IRS2: variants seen among roughly 807,000 people sequenced by gnomAD.
The protein encoded by IRS2 is insulin receptor substrate 2.
IRS2 carries 28 observed loss-of-function variants against 70.9 expected under a neutral mutation model. The observed-to-expected ratio is 0.39, with a 90% CI of 0.29 to 0.54. The LOEUF is 0.54. IRS2 is among the 20% of genes least tolerant of loss of function. The pLI, the probability that IRS2 is intolerant of heterozygous loss-of-function variation, is 0.59. For missense variants in IRS2, 2,081 were observed against 2,024.1 expected, an observed-to-expected ratio of 1.03 and a Z score of -0.54; for synonymous variants, 1,217 against 981.9, an observed-to-expected ratio of 1.24 and a Z score of -4.48.
chr13:109,756,766 C>G (rs1287351630), intron 1 of IRS2, among the ~76,000 whole-genome samples: 2 of 152,150 alleles, frequency 1.3e-5, no homozygotes, highest in African/African-American at 4.8e-5. Context: ...AACTATGACA[C>G]ACATTACAAT....
At position 109,756,284 on chromosome 13, in the gene IRS2, T is replaced by C. The variant is rs761963543; in HGVS notation, c.*20A>G. On this transcript the variant is annotated 3_prime_UTR_variant, in exon 2 of 2. Coordinates refer to ENST00000375856, the MANE Select transcript of IRS2 (RefSeq NM_003749.3). Reference sequence around the variant, plus strand: ...TACTCTCTGACATGTGACATCCTGGTGATAAAGCCAGACAGATCTTCACTC... The same window carrying C: ...TACTCTCTGACATGTGACATCCTGGCGATAAAGCCAGACAGATCTTCACTC... The C allele has an allele frequency of 6.2e-7, 1 of 1,602,816 alleles. No individual in the cohort carries two copies. The highest frequency in any genetic ancestry group is 1.7e-5 in the Admixed American group (1 of 59,988).
At chr13:109,780,649 T>G (rs1404398402) in intron 1 of IRS2, among the ~76,000 whole-genome samples, 1 of 152,198 alleles carries the variant, frequency 6.6e-6, no homozygotes, top group East Asian at 1.9e-4. Context: ...ACTGGTCTAT[T>G]TAAGAACAAA....
intron 1 of IRS2, among the ~76,000 whole-genome samples, chr13:109,773,708 T>C (rs1455686630): frequency 6.6e-6 from 1 of 152,266 alleles, no homozygotes; most frequent in Admixed American, 6.5e-5. Flanking sequence ...AACGCGTTTC[T>C]TCATTAAGGA....
Position 109,785,647 on chromosome 13 carries a change from T to C in IRS2, c.407A>G (p.Tyr136Cys). ...AENEQEQEGW[Y>C]RALTDLVSEG... ...GCTGACCAGGTCGGTGAGCGCGCGG[T>C]ACCAGCCCTCCTGCTCCTGCTCGTT... Residue 136 changes from tyrosine (Y) to cysteine (C), a missense_variant, in exon 1 of 2, where the codon TAC becomes TGC. Physicochemically the swap from Tyr to Cys is radical, Grantham distance 194. Transcript: ENST00000375856. This position sits in a 1 kb window ranked among gnomAD's most constrained non-coding sequence, Gnocchi z 9.3. 6.3e-7 allele frequency: 1 copy of C among 1,580,760 alleles called. No homozygotes were observed.
chr13:109,771,002 G>A lies in IRS2; in HGVS notation c.4012+11040C>T, dbSNP rs144146086. ...GGGAAAACTTGGACATTTCATTGCA[G>A]TGATTATTTCATCTCGAACTAGGAA... On this transcript the variant is annotated intron_variant, in intron 1 of 1. Coordinates refer to ENST00000375856, the MANE Select transcript of IRS2 (RefSeq NM_003749.3). Among the ~76,000 whole-genome samples the A allele has an allele frequency of 4.0e-3, 613 of 152,284 alleles. 2 individuals are homozygous for A. Among genetic ancestry groups the A allele is most frequent in the African/African-American group, 0.014 (587 of 41,534 alleles).
Position 109,783,374 on chromosome 13 carries a change from A to G in IRS2, c.2680T>C (p.Ser894Pro). The G allele has an allele frequency of 2.0e-6, 3 of 1,529,454 alleles. No individual in the cohort carries two copies. Among genetic ancestry groups the G allele is most frequent in the Non-Finnish European group, 2.6e-6 (3 of 1,148,272 alleles). The allele number at this position is 1,529,454 out of a possible 1,614,324, so 94.7% of individuals were successfully genotyped here. A position where few individuals can be genotyped will look rare whatever the true frequency, so the allele number is the denominator to read the frequency against. The change falls in exon 1 of 2, where the codon TCC becomes CCC. Residue 894 changes from serine to proline, a missense_variant. By Grantham distance (74) the Ser-to-Pro change is moderately conservative. Transcript: ENST00000375856. ...GGCAGGCTGGGCAGCCCCTCCAGGG[A>G]CAGGCGCGTGGGCCTCACCGCCCGG... is the stretch of plus-strand genomic sequence containing the variant. ...RGRAVRPTRL[S>P]LEGLPSLPSM... is the part of the protein sequence containing the mutation.
At chr13:109,759,377 G>A (rs1424400129) in intron 1 of IRS2, among the ~76,000 whole-genome samples, 2 of 152,090 alleles carry the variant, frequency 1.3e-5, no homozygotes, top group African/African-American at 2.4e-5. Flanking sequence ...AAGCGCTCGC[G>A]GTGATTTAAA....
At chr13:109,769,593 T>C (rs1877409122) in intron 1 of IRS2, among the ~76,000 whole-genome samples, 1 of 152,116 alleles carries the variant, frequency 6.6e-6, no homozygotes, top group Non-Finnish European at 1.5e-5. Context: ...CTTTCCCCCC[T>C]CTCCCTTCCC....
intron 1 of IRS2, among the ~76,000 whole-genome samples, chr13:109,776,403 C>G (rs1275569078): frequency 6.6e-6 from 1 of 152,214 alleles, no homozygotes; most frequent in Non-Finnish European, 1.5e-5. Context: ...ATAAAAGTGA[C>G]TCTATACAAA....
At chr13:109,769,625 C>A (rs902256584) in intron 1 of IRS2, among the ~76,000 whole-genome samples, 8 of 152,318 alleles carry the variant, frequency 5.3e-5, no homozygotes, top group Admixed American at 1.3e-4. Context: ...TAGAGCATTT[C>A]ACCACCTGTA....
At chr13:109,757,733 G>C (rs1877137276) in intron 1 of IRS2, among the ~76,000 whole-genome samples, 24 of 152,202 alleles carry the variant, frequency 1.6e-4, no homozygotes, top group Admixed American at 1.6e-3. Context: ...CCAGGCTGGA[G>C]TGCAGTGGCA....
Position 109,756,139 on chromosome 13 carries a change from T to A in IRS2, c.*165A>T. 1.6e-6 allele frequency: 1 copy of A among 639,288 alleles called. No individual in the cohort carries two copies. The highest frequency in any genetic ancestry group is 2.7e-5 in the East Asian group (1 of 37,376). The allele number at this position is 639,288 out of a possible 1,614,324, so 39.6% of individuals were successfully genotyped here. On this transcript the variant is annotated 3_prime_UTR_variant, in exon 2 of 2. Coordinates refer to ENST00000375856, the MANE Select transcript of IRS2 (RefSeq NM_003749.3). Reference sequence around the variant, plus strand: ...AGGGAAAGAGGCAGGTGACCTTGCCTTGTTGGTGCCTCATCTAACAGAGTC... The same window carrying A: ...AGGGAAAGAGGCAGGTGACCTTGCCATGTTGGTGCCTCATCTAACAGAGTC...
chr13:109,768,772 C>T (rs1017161731), intron 1 of IRS2, among the ~76,000 whole-genome samples: 3 of 152,018 alleles, frequency 2.0e-5, no homozygotes, highest in Non-Finnish European at 4.4e-5. Flanking sequence ...AGGCAGGAGC[C>T]AGGCTTGCCA....
At chr13:109,782,002 C>G in intron 1 of IRS2, 40 bp downstream of exon 1, 5 of 1,605,264 alleles carry the variant, frequency 3.1e-6, no homozygotes, top group Non-Finnish European at 4.2e-6. Context: ...GCGCCCCGCC[C>G]CTCCTTCCCG....
At chr13:109,772,991 G>T (rs1005661501) in intron 1 of IRS2, among the ~76,000 whole-genome samples, 2 of 152,084 alleles carry the variant, frequency 1.3e-5, no homozygotes, top group Non-Finnish European at 2.9e-5. Context: ...CACCGCGCCC[G>T]GCCGCCTATT....
intron 1 of IRS2, 128 bp downstream of exon 1, chr13:109,781,914 G>A (rs902736514): frequency 1.1e-5 from 11 of 1,006,890 alleles, no homozygotes; most frequent in Non-Finnish European, 1.6e-5. Context: ...AACAAAACAA[G>A]GAGCCAGTGC....
chr13:109,777,568 C>T (rs1335997173), intron 1 of IRS2, among the ~76,000 whole-genome samples: 1 of 152,146 alleles, frequency 6.6e-6, no homozygotes, highest in African/African-American at 2.4e-5. Context: ...ACCATCAAAA[C>T]TGCAGGAATG....
intron 1 of IRS2, among the ~76,000 whole-genome samples, chr13:109,762,751 G>C (rs1877253392): frequency 1.3e-5 from 2 of 152,182 alleles, no homozygotes; most frequent in African/African-American, 4.8e-5. Flanking sequence ...CAGGTCCTTA[G>C]TAAAGCTTAT....
At chr13:109,770,184 C>T (rs2241745) in intron 1 of IRS2, among the ~76,000 whole-genome samples, 132,922 of 152,236 alleles carry the variant, frequency 0.87, 58,105 homozygotes, top group Middle Eastern at 0.91. Flanking sequence ...GGGGCTGTGG[C>T]TGGCAGGAAA....
Sources: gnomAD v4.1 joint callset for allele counts (sites outside exome capture counted in the v4.1 genomes callset) on GRCh38, gnomAD v4.1.1 for gene constraint, Gnocchi (gnomAD v3.1) non-coding constraint, MANE v1.5 for transcripts, NCBI Gene and HGNC (gene_info 2026-07-23, HGNC 2026-07-21) for gene names.